MAPRE3: variants seen among roughly 807,000 people sequenced by gnomAD.
MAPRE3 encodes microtubule associated protein RP/EB family member 3.
A neutral mutation model predicts 30.5 loss-of-function variants in MAPRE3; 2 were observed. The observed-to-expected ratio is 0.07, with a 90% CI of 0.03 to 0.21. The LOEUF is 0.21. Ranked by LOEUF, MAPRE3 falls within the 10% of genes least tolerant of loss-of-function variation. MAPRE3 has a pLI of 1.00. For synonymous variants in MAPRE3, 110 were observed against 127.7 expected, an observed-to-expected ratio of 0.86 and a Z score of 0.93; for missense variants, 204 against 351.8, an observed-to-expected ratio of 0.58 and a Z score of 3.36.
At position 27,026,469 on chromosome 2, in the gene MAPRE3, TG is replaced by T. The variant is rs1558389949; in HGVS notation, c.*125del. ...GTGCTTTGTGTCAGTGCTGCAGCAC[TG>T]GGGAGCCAGGCGAGGGGGGCTTGGG... On this transcript the variant is annotated 3_prime_UTR_variant, in exon 7 of 7. Coordinates refer to ENST00000233121, the MANE Select transcript of MAPRE3 (RefSeq NM_012326.4). 2 of 855,952 alleles carry T rather than the reference TG, an allele frequency of 2.3e-6. No individual in the cohort carries two copies. Among genetic ancestry groups the T allele is most frequent in the Non-Finnish European group, 3.6e-6 (2 of 557,018 alleles). The allele number at this position is 855,952 out of a possible 1,614,324, so 53.0% of individuals were successfully genotyped here.
In MAPRE3 at chr2:27,023,399, C is replaced by A; in HGVS notation, c.189C>A (p.Phe63Leu). Residue 63 changes from phenylalanine to leucine, a missense_variant, in exon 3 of 7, where the codon TTC becomes TTA. Coordinates refer to ENST00000233121, the MANE Select transcript of MAPRE3 (RefSeq NM_012326.4). Reference protein sequence around the residue: ...PGCVHLRKVKFQAKLEHEYIH... With the variant: ...PGCVHLRKVKLQAKLEHEYIH... The stretch of plus-strand genomic sequence containing the variant: ...GTGTGCACTTGAGGAAAGTGAAGTT[C>A]CAGGCCAAACTAGAGCACGAATACA... The A allele has an allele frequency of 6.2e-7, 1 of 1,613,992 alleles. No individual in the cohort carries two copies. Among genetic ancestry groups the A allele is most frequent in the Non-Finnish European group, 8.5e-7 (1 of 1,179,882 alleles).
chr2:27,019,726 G>C (rs560779510), intron 1 of MAPRE3, among the ~76,000 whole-genome samples: 95 of 152,216 alleles, frequency 6.2e-4, no homozygotes, highest in African/African-American at 2.2e-3. Context: ...GGCCCCGCCT[G>C]GCCTCCCTTT....
chr2:26,990,778 AAAT>A (rs1164073275), intron 1 of MAPRE3, among the ~76,000 whole-genome samples: 6 of 152,332 alleles, frequency 3.9e-5, no homozygotes, highest in Non-Finnish European at 8.8e-5. Flanking sequence ...GTAATTGCTT[AAAT>A]AATTACAGGG....
At chr2:27,025,250 C>A (rs1480181741) in intron 4 of MAPRE3, among the ~76,000 whole-genome samples, 2 of 152,208 alleles carry the variant, frequency 1.3e-5, no homozygotes, top group African/African-American at 4.8e-5. Flanking sequence ...GAGGGTCCCG[C>A]ACCCTTCCAA....
intron 1 of MAPRE3, among the ~76,000 whole-genome samples, chr2:27,001,037 C>T: frequency 6.6e-6 from 1 of 152,156 alleles, no homozygotes; most frequent in East Asian, 1.9e-4. Context: ...TATAACCGTA[C>T]CATCAGACAG....
At chr2:26,974,769 ATC>A (rs919732860) in intron 1 of MAPRE3, among the ~76,000 whole-genome samples, 88 of 152,206 alleles carry the variant, frequency 5.8e-4, no homozygotes, top group African/African-American at 1.9e-3. Flanking sequence ...AATAATAACT[ATC>A]TGTTTTACAG....
intron 1 of MAPRE3, among the ~76,000 whole-genome samples, chr2:27,019,635 C>T (rs1188466006): frequency 1.3e-5 from 2 of 152,158 alleles, no homozygotes; most frequent in Admixed American, 6.6e-5. Context: ...ACATTACTCT[C>T]GGAAAGCTCT....
chr2:26,981,156 T>C (rs962647772), intron 1 of MAPRE3, among the ~76,000 whole-genome samples: 2 of 152,038 alleles, frequency 1.3e-5, no homozygotes, highest in African/African-American at 2.4e-5. Flanking sequence ...GAGAGATGAA[T>C]AAAGGTCTTA....
chr2:26,993,988 C>T (rs1572751928), intron 1 of MAPRE3, among the ~76,000 whole-genome samples: 2 of 152,222 alleles, frequency 1.3e-5, no homozygotes, highest in Non-Finnish European at 1.5e-5. Context: ...CAGAATACCC[C>T]AGAATTTGAC....
intron 1 of MAPRE3, among the ~76,000 whole-genome samples, chr2:26,971,263 G>A (rs941967893): frequency 2.0e-5 from 3 of 152,234 alleles, no homozygotes; most frequent in African/African-American, 4.8e-5. Flanking sequence ...TTGGGGGAGG[G>A]GGAACATCGG....
intron 1 of MAPRE3, among the ~76,000 whole-genome samples, chr2:26,971,946 G>T (rs900668427): frequency 6.6e-6 from 1 of 152,126 alleles, no homozygotes; most frequent in Non-Finnish European, 1.5e-5. Context: ...GGTTATGTTT[G>T]CTACCCCTCC....
In MAPRE3 at chr2:27,026,546, A is replaced by C; in HGVS notation, c.*198A>C. 1.9e-6 allele frequency: 1 copy of C among 523,528 alleles called. No individual in the cohort carries two copies. 32.4% of individuals were successfully genotyped at this position (523,528 alleles called of 1,614,324 possible). On this transcript the variant is annotated 3_prime_UTR_variant, in exon 7 of 7. Transcript: ENST00000233121. ...AGCCCGTCCTGGGTGGTGCTGGCCC[A>C]GTTGGTGGGACCCCTGTCCACACCC...
chr2:26,979,222 C>T (rs1340204926), intron 1 of MAPRE3, among the ~76,000 whole-genome samples: 1 of 152,208 alleles, frequency 6.6e-6, no homozygotes, highest in Non-Finnish European at 1.5e-5. Flanking sequence ...TTGGGTGTCA[C>T]TGGTACTACA....
chr2:27,012,292 T>A (rs1666879197), intron 1 of MAPRE3: 1 of 151,938 alleles, frequency 6.6e-6, no homozygotes, highest in Non-Finnish European at 1.5e-5. Context: ...TCTGGGCAAG[T>A]CATCCTGCTC....
In MAPRE3 at chr2:27,022,208, C is replaced by G. The variant is rs535054767; in HGVS notation, c.-7-4C>G. The G allele has an allele frequency of 3.1e-6, 5 of 1,613,026 alleles. No homozygotes were observed. Among genetic ancestry groups the G allele is most frequent in the African/African-American group, 1.3e-5 (1 of 74,910 alleles). ...CTGACCTCACCTTTCTTCTTGCTTT[C>G]CAGCTGGGGTATGGCCGTCAATGTG... On this transcript the variant is annotated splice_polypyrimidine_tract_variant and splice_region_variant and intron_variant, in intron 1 of 6. Transcript: ENST00000233121.
intron 1 of MAPRE3, among the ~76,000 whole-genome samples, chr2:26,980,577 T>A (rs2148198159): frequency 6.6e-6 from 1 of 152,340 alleles, no homozygotes; most frequent in Non-Finnish European, 1.5e-5. Context: ...AATCTGTTGT[T>A]GGGCAGTTGG....
chr2:26,997,563 C>T (rs143365422), intron 1 of MAPRE3, among the ~76,000 whole-genome samples: 18 of 152,134 alleles, frequency 1.2e-4, no homozygotes, highest in African/African-American at 3.9e-4. Context: ...CTGGTGCCGC[C>T]GCTGATCTGA....
At chr2:26,999,624 C>T (rs1666545723) in intron 1 of MAPRE3, among the ~76,000 whole-genome samples, 1 of 151,022 alleles carries the variant, frequency 6.6e-6, no homozygotes, top group Admixed American at 6.6e-5. Flanking sequence ...CTGCCTCAGC[C>T]TCCTGAGTAG....
intron 1 of MAPRE3, among the ~76,000 whole-genome samples, chr2:26,981,766 T>G (rs535212617): frequency 1.3e-4 from 20 of 152,238 alleles, no homozygotes; most frequent in African/African-American, 4.6e-4. Flanking sequence ...TCTCAGCTTG[T>G]CACAAAAGAG....
Sources: allele counts gnomAD v4.1 joint callset (sites outside exome capture counted in the v4.1 genomes callset), GRCh38; gene constraint gnomAD v4.1.1; transcripts MANE v1.5; gene names NCBI Gene and HGNC (gene_info 2026-07-23, HGNC 2026-07-21).